CNOT1: variants seen among roughly 807,000 people sequenced by gnomAD.
CNOT1 encodes the protein CCR4-NOT transcription complex subunit 1.
CNOT1 carries 15 observed loss-of-function variants against 273.8 expected under a neutral mutation model. The observed-to-expected ratio is 0.05, with a 90% confidence interval of 0.04 to 0.08. The LOEUF is 0.08. Ranked by LOEUF, CNOT1 falls within the 10% of genes least tolerant of loss-of-function variation. The pLI is 1.00. For missense variants in CNOT1, 1,644 were observed against 2,912.2 expected (o/e 0.56, Z 10.02); for synonymous variants, 1,022 against 1,005.5 (o/e 1.02, Z -0.31).
intron 1 of CNOT1, among the ~76,000 whole-genome samples, chr16:58,605,647 A>G (rs977489580): frequency 3.3e-5 from 5 of 152,164 alleles, no homozygotes; most frequent in African/African-American, 1.2e-4. Flanking sequence ...AAAATGCTAA[A>G]TCCTTTCCAA....
rs1401913386 is a variant in CNOT1, at chr16:58,586,454, GGGTGAGGGGA to G, written c.637+81_637+90del. The G allele has an allele frequency of 8.1e-6, 3 of 368,182 alleles. 1 individual carries two copies. The highest frequency in any genetic ancestry group is 8.1e-5 in the Admixed American group (2 of 24,708). 22.8% of individuals were successfully genotyped at this position (368,182 alleles called of 1,614,324 possible). ...GGAGGGGAGGGCAGGGAGGAGGGGA[GGGTGAGGGGA>G]GGGGAGGGGGGAATGCTTTTGTGAT... On this transcript the variant is annotated intron_variant, in intron 7 of 48. Transcript: ENST00000317147.
chr16:58,541,034 A>G (rs918523401), intron 34 of CNOT1, among the ~76,000 whole-genome samples: 1 of 152,108 alleles, frequency 6.6e-6, no homozygotes, highest in South Asian at 2.1e-4. Context: ...GCAAAACCCC[A>G]TCTTTACAAA....
At chr16:58,558,408 A>C in intron 18 of CNOT1, 65 bp downstream of exon 18, 1 of 1,598,584 alleles carries the variant, frequency 6.3e-7, no homozygotes, top group Non-Finnish European at 8.5e-7. Context: ...ACCCCTTACC[A>C]AACACTAAGG....
At chr16:58,537,393 A>C (rs886926313) in intron 38 of CNOT1, among the ~76,000 whole-genome samples, 173 bp from the exon 39 acceptor site, 1 of 152,210 alleles carries the variant, frequency 6.6e-6, no homozygotes, top group African/African-American at 2.4e-5. Context: ...CTTGCTCATG[A>C]GCATACAACA....
At chr16:58,558,779 T>C (rs2040727212) in intron 17 of CNOT1, 105 bp from the exon 18 acceptor site, 6 of 1,425,540 alleles carry the variant, frequency 4.2e-6, no homozygotes, top group Non-Finnish European at 4.7e-6. Flanking sequence ...AAAAGCAAAC[T>C]ATTACACCCA....
At chr16:58,524,231 G>A (rs1258104124) in intron 46 of CNOT1, among the ~76,000 whole-genome samples, 4 of 128,244 alleles carry the variant, frequency 3.1e-5, no homozygotes, top group Non-Finnish European at 6.2e-5. Context: ...GCCTGGGTGT[G>A]AGAGCAAGAC....
At chr16:58,577,112 G>T (rs906455765) in intron 13 of CNOT1, among the ~76,000 whole-genome samples, 37 of 151,410 alleles carry the variant, frequency 2.4e-4, no homozygotes, top group Admixed American at 7.9e-4. Context: ...TTTACTGGCA[G>T]GTAGCCTGGT....
intron 31 of CNOT1, chr16:58,543,139 A>C: frequency 7.4e-7 from 1 of 1,357,514 alleles, no homozygotes; most frequent in Non-Finnish European, 9.5e-7. Context: ...AAAATCATTA[A>C]AGCAGTAAAC....
chr16:58,542,369 A>G, intron 32 of CNOT1, 34 bp from the exon 33 acceptor site: 1 of 1,613,716 alleles, frequency 6.2e-7, no homozygotes, highest in East Asian at 2.2e-5. Flanking sequence ...GGTTCTTGTT[A>G]TAAGGCACTT....
chr16:58,610,493 C>T (rs949033708), intron 1 of CNOT1, among the ~76,000 whole-genome samples: 1 of 151,954 alleles, frequency 6.6e-6, no homozygotes. Context: ...CACTTGAGGT[C>T]GGGAGATCGA....
intron 44 of CNOT1, 56 bp from the exon 45 acceptor site, chr16:58,526,194 C>T: frequency 6.3e-7 from 1 of 1,593,230 alleles, no homozygotes. Flanking sequence ...TAGTAAATTA[C>T]ATCTATGCTT....
intron 16 of CNOT1, among the ~76,000 whole-genome samples, chr16:58,565,909 C>T (rs1019903393): frequency 2.7e-5 from 4 of 148,554 alleles, no homozygotes; most frequent in African/African-American, 1.0e-4. Flanking sequence ...CACTGCATTC[C>T]AGCCTGGGCA....
intron 7 of CNOT1, 125 bp from the exon 8 acceptor site, chr16:58,585,631 AT>A: frequency 3.5e-6 from 5 of 1,423,162 alleles, no homozygotes; most frequent in Non-Finnish European, 4.6e-6. Flanking sequence ...AGCTTATTTC[AT>A]TTTTCCAGCC....
chr16:58,572,243 C>T (rs891942149), intron 16 of CNOT1, among the ~76,000 whole-genome samples: 2 of 151,750 alleles, frequency 1.3e-5, no homozygotes, highest in Admixed American at 1.3e-4. Context: ...GAGATCATGC[C>T]ACTGCACTCT....
chr16:58,624,065 G>C (rs892060871), intron 1 of CNOT1, among the ~76,000 whole-genome samples: 1 of 152,144 alleles, frequency 6.6e-6, no homozygotes, highest in Non-Finnish European at 1.5e-5. Flanking sequence ...ACAAAAGAAG[G>C]GGGTATTAGG....
chr16:58,587,024 CT>C (rs1175953281), intron 6 of CNOT1, among the ~76,000 whole-genome samples, 176 bp downstream of exon 6: 3 of 152,172 alleles, frequency 2.0e-5, no homozygotes, highest in Non-Finnish European at 4.4e-5. Flanking sequence ...CCCTATGGAA[CT>C]GTACACTTAA....
intron 43 of CNOT1, among the ~76,000 whole-genome samples, chr16:58,529,465 A>C (rs901261628): frequency 6.6e-6 from 1 of 152,306 alleles, no homozygotes; most frequent in Admixed American, 6.5e-5. Context: ...AAATACAAAC[A>C]AGAGCCAAAA....
chr16:58,534,517 T>TTACATTGTAATAAATGTATTATCAGAA, intron 39 of CNOT1, 122 bp from the exon 40 acceptor site: 2 of 1,114,900 alleles, frequency 1.8e-6, no homozygotes, highest in Non-Finnish European at 2.5e-6. Flanking sequence ...TTTCTAATTC[T>TTACATTGTAATAAATGTATTATCAGAA]TACATTGTAA....
Position 58,580,620 on chromosome 16 carries a change from T to C in CNOT1, c.1343+13A>G, listed in dbSNP as rs745939660. On this transcript the variant is annotated intron_variant, in intron 12 of 48. Coordinates refer to ENST00000317147, the MANE Select transcript of CNOT1 (RefSeq NM_016284.5). ...AGTAATCTTTTAAATGAAAGATGAA[T>C]CAAAGTGTTTACCATGTGGCAATTT... 8 of 1,599,694 alleles carry C rather than the reference T, an allele frequency of 5.0e-6. No homozygotes were observed. In the African/African-American group the frequency reaches 6.7e-5, roughly 13 times the overall value.
Sources: allele counts gnomAD v4.1 joint callset (sites outside exome capture counted in the v4.1 genomes callset), GRCh38; gene constraint gnomAD v4.1.1; transcripts MANE v1.5; gene names NCBI Gene and HGNC (gene_info 2026-07-23, HGNC 2026-07-21).